Variants in ZFR2 observed in about 807,000 individuals in gnomAD.
ZFR2 encodes zinc finger RNA binding protein 2.
Under a neutral mutation model 105.7 loss-of-function variants are expected in ZFR2, and 104 were observed. The observed-to-expected ratio is 0.98, with a 90% CI of 0.84 to 1.16. The LOEUF is 1.16. Ranked by LOEUF, ZFR2 falls within the 50% of genes most tolerant of loss-of-function variation. The pLI is 0.00. For missense variants in ZFR2, 1,425 were observed against 1,355.5 expected (o/e 1.05, Z -0.80); for synonymous variants, 634 against 597.7 (o/e 1.06, Z -0.89).
chr19:3,813,860 G>A lies in ZFR2; in HGVS notation c.2202C>T (p.Val734=). ...EEPRMQVTIS[V]TSPLMREDPS... ...GGTCCTCCCGCATCAGAGGTGAGGTGACAGATATGGTGACCTGCATCCTGG... is the reference window on the plus strand; with the variant it reads ...GGTCCTCCCGCATCAGAGGTGAGGTAACAGATATGGTGACCTGCATCCTGG... The change falls in exon 14 of 19, where the codon GTC becomes GTT. Residue 734 remains valine (V), a synonymous_variant. Coordinates refer to ENST00000262961, the MANE Select transcript of ZFR2 (RefSeq NM_015174.2). This position sits in a 1 kb window ranked among gnomAD's most constrained non-coding sequence, Gnocchi z 4.4. The A allele has an allele frequency of 6.2e-7, 1 of 1,613,920 alleles. No homozygotes were observed. Among genetic ancestry groups the A allele is most frequent in the Non-Finnish European group, 8.5e-7 (1 of 1,179,876 alleles).
At chr19:3,815,456 T>A (rs1040535640) in intron 13 of ZFR2, among the ~76,000 whole-genome samples, 3 of 152,264 alleles carry the variant, frequency 2.0e-5, no homozygotes, top group Admixed American at 6.5e-5. Context: ...TATATGAAAA[T>A]TCTCTAGAGG....
chr19:3,806,663 T>G (rs1444044440), intron 18 of ZFR2, among the ~76,000 whole-genome samples: 1 of 152,120 alleles, frequency 6.6e-6, no homozygotes, highest in African/African-American at 2.4e-5. Context: ...GCCCCCCCGC[T>G]CCACTGACCA....
chr19:3,840,619 C>A (rs910445912), intron 1 of ZFR2, among the ~76,000 whole-genome samples: 17 of 152,232 alleles, frequency 1.1e-4, no homozygotes, highest in African/African-American at 3.6e-4. Context: ...AGCCTCGAAA[C>A]TCCCAGGCTC....
chr19:3,811,450 C>G, intron 14 of ZFR2, 84 bp from the exon 15 acceptor site: 1 of 1,297,086 alleles, frequency 7.7e-7, no homozygotes, highest in Non-Finnish European at 1.1e-6. Context: ...TCAGTTTGGG[C>G]CCCTCGACGC....
chr19:3,805,407 G>C lies in ZFR2; in HGVS notation c.*542C>G, dbSNP rs2037685390. The C allele has an allele frequency of 1.3e-5, 2 of 152,486 alleles. No homozygotes were observed. Among genetic ancestry groups the C allele is most frequent in the Admixed American group, 1.3e-4 (2 of 15,300 alleles). The allele number at this position is 152,486 out of a possible 1,614,324, so 9.4% of individuals were successfully genotyped here. ...GACAAAGTCTTCTTCTGTTGCCCAG[G>C]CTGGAGTGTCACGGTGCAATCACAG... On this transcript the variant is annotated 3_prime_UTR_variant, in exon 19 of 19. Coordinates refer to ENST00000262961, the MANE Select transcript of ZFR2 (RefSeq NM_015174.2).
intron 16 of ZFR2, 85 bp downstream of exon 16, chr19:3,810,665 G>C (rs1026411075): frequency 1.5e-6 from 2 of 1,309,946 alleles, no homozygotes; most frequent in African/African-American, 3.0e-5. Context: ...GAGGGAAAAG[G>C]TCTGTCTCTC....
rs73919378 is a variant in ZFR2 at position 3,804,347 on chromosome 19, C to A, written c.*1602G>T. On this transcript the variant is annotated 3_prime_UTR_variant, in exon 19 of 19. Coordinates refer to ENST00000262961, the MANE Select transcript of ZFR2 (RefSeq NM_015174.2). ...CAAGACGGCGGCCCCTCCCCGGGTC[C>A]CCCAGGCACGGGTCCCGGGCCCTGC... The A allele has an allele frequency of 0.12, 18,797 of 152,290 alleles. 1,516 individuals are homozygous for A. The highest frequency in any genetic ancestry group is 0.28 in the Admixed American group (4,310 of 15,296). The allele number at this position is 152,290 out of a possible 1,614,324, so 9.4% of individuals were successfully genotyped here.
At chr19:3,814,047 T>C in intron 13 of ZFR2, 89 bp from the exon 14 acceptor site, 2 of 1,551,104 alleles carry the variant, frequency 1.3e-6, no homozygotes, top group Non-Finnish European at 1.7e-6. Flanking sequence ...GTGTGTAAAT[T>C]AATCCCGTCG....
intron 1 of ZFR2, among the ~76,000 whole-genome samples, chr19:3,835,906 T>A (rs944399707): frequency 2.0e-5 from 3 of 146,662 alleles, no homozygotes; most frequent in African/African-American, 2.8e-5. Context: ...TGAGCTATGA[T>A]CTCACCACTG....
intron 9 of ZFR2, 124 bp from the exon 10 acceptor site, chr19:3,821,603 C>CTT: frequency 1.7e-6 from 1 of 586,000 alleles, no homozygotes; most frequent in African/African-American, 2.3e-5. Context: ...TCTCCCAAAG[C>CTT]CTTTTTTTTT....
At position 3,842,683 on chromosome 19, in the gene ZFR2, G is replaced by T. The variant is rs942101777; in HGVS notation, c.54-7700C>A. Among the ~76,000 whole-genome samples, 4 of 151,438 alleles carry T rather than the reference G, an allele frequency of 2.6e-5. No homozygotes were observed. In the East Asian group the frequency reaches 5.8e-4, roughly 22 times the overall value. ...TTGTGGTCCTGGCTGGAGTGCAGGG[G>T]CATGATCTCAGCTCACTGCAACCTC... On this transcript the variant is annotated intron_variant, in intron 1 of 18. Coordinates refer to ENST00000262961, the MANE Select transcript of ZFR2 (RefSeq NM_015174.2).
At chr19:3,820,599 G>A (rs909837360) in intron 10 of ZFR2, among the ~76,000 whole-genome samples, 1 of 152,156 alleles carries the variant, frequency 6.6e-6, no homozygotes, top group African/African-American at 2.4e-5. Context: ...AGAGTCAGAT[G>A]TTACATCAGA....
chr19:3,819,335 G>T (rs2037863988), intron 11 of ZFR2, 100 bp from the exon 12 acceptor site: 1 of 1,270,606 alleles, frequency 7.9e-7, no homozygotes, highest in Non-Finnish European at 1.0e-6. Context: ...GGCCAGCCAG[G>T]TTACGAGGCG....
Position 3,813,598 on chromosome 19 carries a change from C to T in ZFR2, c.2242+222G>A, listed in dbSNP as rs2037794253. On this transcript the variant is annotated intron_variant, in intron 14 of 18. Transcript: ENST00000262961. The surrounding 1 kb of genome is among the most constrained non-coding windows in gnomAD (Gnocchi z 4.4). ...CGAGCAAGGCCCCTGCAGCCAGGCT[C>T]TGAGCCCATCTGATGCTGTCACCGA... 6.6e-6 allele frequency among the ~76,000 whole-genome samples: 1 copy of T among 152,228 alleles called. No homozygotes were observed. The highest frequency in any genetic ancestry group is 2.1e-4 in the South Asian group (1 of 4,836).
intron 1 of ZFR2, among the ~76,000 whole-genome samples, chr19:3,844,019 G>GA (rs1555757854): frequency 4.5e-5 from 1 of 22,370 alleles, no homozygotes; most frequent in Non-Finnish European, 8.3e-5. Context: ...GATGTGGGGG[G>GA]GGGGGTGCCA....
intron 1 of ZFR2, among the ~76,000 whole-genome samples, chr19:3,860,656 T>C (rs2145193855): frequency 6.6e-6 from 1 of 152,130 alleles, no homozygotes; most frequent in East Asian, 1.9e-4. Flanking sequence ...GACGATACCA[T>C]GCTGATCACG....
At chr19:3,840,245 C>CTT (rs35809815) in intron 1 of ZFR2, among the ~76,000 whole-genome samples, 2 of 145,044 alleles carry the variant, frequency 1.4e-5, no homozygotes. Flanking sequence ...GCTTGTTTTA[C>CTT]TTTTTTTTTT....
At chr19:3,847,890 C>G (rs1568430175) in intron 1 of ZFR2, among the ~76,000 whole-genome samples, 5 of 152,184 alleles carry the variant, frequency 3.3e-5, no homozygotes, top group Admixed American at 1.3e-4. Context: ...GGACCACCCT[C>G]TCCTGAGACA....
intron 6 of ZFR2, among the ~76,000 whole-genome samples, 155 bp downstream of exon 6, chr19:3,827,316 G>T (rs539594490): frequency 9.2e-5 from 14 of 152,340 alleles, no homozygotes; most frequent in Non-Finnish European, 1.9e-4. Context: ...AGATGAGGAC[G>T]CATGGGCCTG....
Sources: allele counts gnomAD v4.1 joint callset (sites outside exome capture counted in the v4.1 genomes callset), GRCh38; gene constraint gnomAD v4.1.1; non-coding constraint Gnocchi (gnomAD v3.1); transcripts MANE v1.5; gene names NCBI Gene and HGNC (gene_info 2026-07-23, HGNC 2026-07-21).